Variants in NANOS3 observed in about 807,000 individuals in gnomAD.
The protein encoded by NANOS3 is nanos C2HC-type zinc finger 3.
NANOS3 carries 11 observed loss-of-function variants against 13.8 expected under a neutral mutation model. That is an observed-to-expected ratio of 0.80 (90% confidence interval 0.50 to 1.32). The LOEUF (loss-of-function observed/expected upper bound fraction) is 1.32, where lower values mean the gene tolerates loss of function less well. Among genes scored for constraint, NANOS3 ranks in the 40% most tolerant of loss-of-function variants. The pLI is 0.00. For synonymous variants in NANOS3, 119 were observed against 115.4 expected (o/e 1.03, Z -0.20); for missense variants, 221 against 263.8 (o/e 0.84, Z 1.12).
chr19:13,872,900 G>A (rs1968423716), upstream of NANOS3, among the ~76,000 whole-genome samples: 1 of 152,154 alleles, frequency 6.6e-6, no homozygotes, highest in Non-Finnish European at 1.5e-5. Flanking sequence ...GCTCTAGAAG[G>A]TGCCGGGAGG....
chr19:13,874,410 G>C (rs1034979957), upstream of NANOS3, among the ~76,000 whole-genome samples: 1 of 152,176 alleles, frequency 6.6e-6, no homozygotes, highest in African/African-American at 2.4e-5. Flanking sequence ...CTCCCCAGTT[G>C]ACAAAGGGGG....
At chr19:13,870,875 C>T (rs1229112422) in intron 1 of NANOS3, among the ~76,000 whole-genome samples, 3 of 151,870 alleles carry the variant, frequency 2.0e-5, no homozygotes, top group Admixed American at 6.6e-5. Context: ...CCACCGTGCC[C>T]GGCTCATAAC....
upstream of NANOS3, chr19:13,874,694 G>T: frequency 1.9e-6 from 1 of 530,556 alleles, no homozygotes; most frequent in South Asian, 1.4e-5. Context: ...CCCGACTCCA[G>T]GTCCCGGAAA....
chr19:13,864,144 G>A (rs1459745025), upstream of NANOS3, among the ~76,000 whole-genome samples: 1 of 152,066 alleles, frequency 6.6e-6, no homozygotes, highest in Non-Finnish European at 1.5e-5. Context: ...GGCAGGGGCA[G>A]TGTGTGGAGC....
In NANOS3 at chr19:13,878,207, C is replaced by T. The variant is rs557776615; in HGVS notation, c.517+442C>T. ...CCTCCCAAACTGCTGAGATTACAGG[C>T]GTGAGCACCGCACCGAGCCAGTTTG... On this transcript the variant is annotated intron_variant, in intron 1 of 1. Transcript: ENST00000339133. Among the ~76,000 whole-genome samples, 4 of 150,684 alleles carry T rather than the reference C, an allele frequency of 2.7e-5. No homozygotes were observed. In the South Asian group the frequency reaches 6.3e-4, roughly 24 times the overall value.
intron 1 of NANOS3, among the ~76,000 whole-genome samples, chr19:13,870,120 G>A (rs1171317769): frequency 3.3e-5 from 5 of 151,676 alleles, no homozygotes; most frequent in East Asian, 1.9e-4. Flanking sequence ...GCGTGACTGC[G>A]TCTCACTCAC....
At chr19:13,867,594 C>A (rs1384564172) in intron 1 of NANOS3, among the ~76,000 whole-genome samples, 4 of 152,030 alleles carry the variant, frequency 2.6e-5, no homozygotes, top group African/African-American at 7.3e-5. Context: ...CAGGGTCTGG[C>A]TCTGTCACCC....
At chr19:13,872,555 C>A (rs927146783), upstream of NANOS3, among the ~76,000 whole-genome samples, 1 of 152,148 alleles carries the variant, frequency 6.6e-6, no homozygotes, top group African/African-American at 2.4e-5. Flanking sequence ...CTGCTCACAG[C>A]GTGATGAATG....
At chr19:13,864,058 G>T (rs1046742545), upstream of NANOS3, among the ~76,000 whole-genome samples, 1 of 152,240 alleles carries the variant, frequency 6.6e-6, no homozygotes, top group Non-Finnish European at 1.5e-5. Context: ...AGCTCAGCCC[G>T]GGCCAATGGG....
At chr19:13,877,969 C>T (rs1474183102) in intron 1 of NANOS3, among the ~76,000 whole-genome samples, 1 of 152,096 alleles carries the variant, frequency 6.6e-6, no homozygotes, top group Non-Finnish European at 1.5e-5. Flanking sequence ...AGTGCAGTGG[C>T]GCCATCTCGG....
intron 1 of NANOS3, among the ~76,000 whole-genome samples, chr19:13,866,000 G>A (rs1211331232): frequency 6.6e-6 from 1 of 152,012 alleles, no homozygotes; most frequent in Non-Finnish European, 1.5e-5. Context: ...CGATCCTGGC[G>A]GGGGCCCCGC....
intron 1 of NANOS3, among the ~76,000 whole-genome samples, chr19:13,879,312 G>A (rs10413657): frequency 0.22 from 33,998 of 152,104 alleles, 3,916 homozygotes; most frequent in East Asian, 0.29. Context: ...TAACAGAGGA[G>A]GGGCCAGTCT....
At chr19:13,865,351 T>G (rs898351397), upstream of NANOS3, 20 of 146,478 alleles carry the variant, frequency 1.4e-4, no homozygotes, top group African/African-American at 4.7e-4. Context: ...AAATGCAATT[T>G]CCCGTGCAGG....
intron 1 of NANOS3, among the ~76,000 whole-genome samples, chr19:13,879,665 C>A (rs935310014): frequency 1.8e-4 from 28 of 151,736 alleles, no homozygotes; most frequent in Non-Finnish European, 4.0e-4. Flanking sequence ...GGGACAGAGG[C>A]TGCAGTGAGC....
At chr19:13,865,501 G>A (rs1370142360) in intron 1 of NANOS3, 1 of 145,174 alleles carries the variant, frequency 6.9e-6, no homozygotes, top group Non-Finnish European at 1.5e-5. Context: ...CGGGCAGGGG[G>A]CGCGGCGGGG....
At chr19:13,863,919 G>C (rs1182199243), upstream of NANOS3, among the ~76,000 whole-genome samples, 1 of 152,038 alleles carries the variant, frequency 6.6e-6, no homozygotes, top group Non-Finnish European at 1.5e-5. Context: ...AGGGGTGCGC[G>C]ATCAGGTGGG....
intron 1 of NANOS3, among the ~76,000 whole-genome samples, chr19:13,868,865 T>C (rs945361605): frequency 6.6e-6 from 1 of 151,792 alleles, no homozygotes; most frequent in African/African-American, 2.4e-5. Context: ...ACAATTAGCC[T>C]GATATACACC....
chr19:13,880,247 T>A (rs1401092686), intron 1 of NANOS3, among the ~76,000 whole-genome samples, 195 bp from the exon 2 acceptor site: 1 of 152,068 alleles, frequency 6.6e-6, no homozygotes, highest in African/African-American at 2.4e-5. Flanking sequence ...TCGGAACTCC[T>A]GTGCTTTGTC....
upstream of NANOS3, among the ~76,000 whole-genome samples, chr19:13,863,332 C>T (rs1976184550): frequency 6.6e-6 from 1 of 152,070 alleles, no homozygotes. Flanking sequence ...GCTTCAGCCT[C>T]CCAAGTAGCT....
Sources: gnomAD v4.1 joint callset for allele counts (sites outside exome capture counted in the v4.1 genomes callset) on GRCh38, gnomAD v4.1.1 for gene constraint, MANE v1.5 for transcripts, NCBI Gene and HGNC (gene_info 2026-07-23, HGNC 2026-07-21) for gene names.